The following ATG10 variants were observed in gnomAD, a reference collection of about 807,000 sequenced individuals.
ATG10 encodes autophagy related 10.
Under a neutral mutation model 32.1 loss-of-function variants are expected in ATG10, and 30 were observed. That is an observed-to-expected ratio of 0.94 (90% CI 0.70 to 1.27). ATG10 has a LOEUF of 1.27. Ranked by LOEUF, ATG10 falls within the 50% of genes most tolerant of loss-of-function variation. The pLI, the probability that ATG10 is intolerant of heterozygous loss-of-function variation, is 0.00. For missense variants in ATG10, 233 were observed against 262.3 expected (o/e 0.89, Z 0.77); for synonymous variants, 87 against 91.5 (o/e 0.95, Z 0.28).
chr5:82,253,108 G>A (rs577518032), intron 6 of ATG10, among the ~76,000 whole-genome samples: 1 of 152,312 alleles, frequency 6.6e-6, no homozygotes, highest in Non-Finnish European at 1.5e-5. Context: ...CTACCCTAAT[G>A]AGGGATCCTT....
intron 5 of ATG10, among the ~76,000 whole-genome samples, chr5:82,185,120 A>G (rs1312487170): frequency 6.6e-6 from 1 of 152,256 alleles, no homozygotes. Flanking sequence ...GCACGTACAC[A>G]TACACATGCC....
At chr5:82,118,078 A>G (rs1049831970) in intron 3 of ATG10, among the ~76,000 whole-genome samples, 3 of 152,010 alleles carry the variant, frequency 2.0e-5, no homozygotes, top group Non-Finnish European at 2.9e-5. Context: ...GAAAAATTTC[A>G]TAAATGGAAC....
At chr5:82,140,081 C>T (rs1292715602) in intron 3 of ATG10, among the ~76,000 whole-genome samples, 1 of 140,226 alleles carries the variant, frequency 7.1e-6, no homozygotes, top group Non-Finnish European at 1.6e-5. Flanking sequence ...GGTCAGCCCT[C>T]CACCCGGCCA....
At chr5:82,204,104 A>C (rs186525623) in intron 5 of ATG10, among the ~76,000 whole-genome samples, 47 of 152,346 alleles carry the variant, frequency 3.1e-4, no homozygotes, top group African/African-American at 8.7e-4. Flanking sequence ...AGAACACCAT[A>C]AGGGTAAAAG....
intron 3 of ATG10, among the ~76,000 whole-genome samples, chr5:82,107,089 A>C (rs1765466767): frequency 6.6e-6 from 1 of 152,092 alleles, no homozygotes. Context: ...CACAAGAAGA[A>C]TTTAACCTCT....
chr5:82,139,254 G>C (rs185107068), intron 3 of ATG10, among the ~76,000 whole-genome samples: 38,599 of 135,278 alleles, frequency 0.29, 6,005 homozygotes, highest in African/African-American at 0.46. Flanking sequence ...AGCCTCTGCC[G>C]GGCCACCACC....
chr5:82,246,314 G>A (rs1348044114), intron 5 of ATG10, among the ~76,000 whole-genome samples: 1 of 151,816 alleles, frequency 6.6e-6, no homozygotes, highest in East Asian at 1.9e-4. Context: ...CAAGTGATCT[G>A]CCTACCTCAG....
chr5:82,203,504 C>A (rs1362882965), intron 5 of ATG10, among the ~76,000 whole-genome samples: 2 of 151,970 alleles, frequency 1.3e-5, no homozygotes, highest in African/African-American at 4.8e-5. Context: ...TAGTTTTAAT[C>A]GGTGGGAGAG....
rs116790552 is a variant in ATG10 at position 82,162,095 on chromosome 5, C to G, written c.217-2304C>G. ...TATGTGTGTATATATGTATATATTT[C>G]ACACATATCCTTGCACACCTATTTT... On this transcript the variant is annotated intron_variant, in intron 3 of 7. Coordinates refer to ENST00000282185, the MANE Select transcript of ATG10 (RefSeq NM_031482.5). Among the ~76,000 whole-genome samples, 1,004 of 152,136 alleles carry G rather than the reference C, an allele frequency of 6.6e-3. 4 individuals are homozygous for G. The highest frequency in any genetic ancestry group is 0.011 in the Non-Finnish European group (735 of 67,978).
At chr5:82,224,951 A>G (rs958135405) in intron 5 of ATG10, among the ~76,000 whole-genome samples, 1 of 152,256 alleles carries the variant, frequency 6.6e-6, no homozygotes, top group Admixed American at 6.5e-5. Context: ...ACATCTATGT[A>G]TTATAAACTA....
At chr5:82,165,917 ACTTT>A (rs1743562273) in intron 4 of ATG10, among the ~76,000 whole-genome samples, 1 of 152,230 alleles carries the variant, frequency 6.6e-6, no homozygotes, top group South Asian at 2.1e-4. Context: ...TCAATACTGT[ACTTT>A]CATATAATTA....
intron 1 of ATG10, among the ~76,000 whole-genome samples, chr5:81,982,187 G>A (rs1017923477): frequency 2.6e-5 from 4 of 152,224 alleles, no homozygotes; most frequent in Admixed American, 2.6e-4. Context: ...GCCAGGCGTG[G>A]TGGCTCACGC....
chr5:82,103,591 C>T (rs1363021771), intron 3 of ATG10, among the ~76,000 whole-genome samples: 2 of 151,854 alleles, frequency 1.3e-5, no homozygotes, highest in Admixed American at 1.3e-4. Flanking sequence ...CTTAAGAAAC[C>T]CATACTCAGT....
At chr5:82,161,096 A>C (rs185123047) in intron 3 of ATG10, among the ~76,000 whole-genome samples, 1 of 152,324 alleles carries the variant, frequency 6.6e-6, no homozygotes, top group East Asian at 1.9e-4. Flanking sequence ...AGATTTCCAA[A>C]TTGCATGACT....
chr5:82,161,189 A>G (rs1320227101), intron 3 of ATG10, among the ~76,000 whole-genome samples: 1 of 152,164 alleles, frequency 6.6e-6, no homozygotes, highest in Non-Finnish European at 1.5e-5. Context: ...CAAGGATTCA[A>G]ATTCATCTAA....
At chr5:82,189,832 C>T (rs554713675) in intron 5 of ATG10, among the ~76,000 whole-genome samples, 5 of 152,178 alleles carry the variant, frequency 3.3e-5, no homozygotes, top group Admixed American at 2.0e-4. Context: ...ACCATGTTGG[C>T]CAGGCTGGTC....
At chr5:82,209,469 C>T (rs1424469344) in intron 5 of ATG10, among the ~76,000 whole-genome samples, 6 of 152,118 alleles carry the variant, frequency 3.9e-5, no homozygotes, top group Non-Finnish European at 8.8e-5. Context: ...GCCATGAGGA[C>T]ATGGCAAAAA....
chr5:82,117,555 G>C (rs541774272), intron 3 of ATG10, among the ~76,000 whole-genome samples: 1 of 152,148 alleles, frequency 6.6e-6, no homozygotes, highest in African/African-American at 2.4e-5. Flanking sequence ...GACCTTACTT[G>C]AGCTATCTCC....
intron 3 of ATG10, among the ~76,000 whole-genome samples, chr5:82,131,742 T>C (rs78164634): frequency 0.012 from 1,749 of 151,972 alleles, 26 homozygotes; most frequent in African/African-American, 0.041. Context: ...AAGAATAATA[T>C]AATTAGTTTT....
Sources: allele counts gnomAD v4.1 joint callset (sites outside exome capture counted in the v4.1 genomes callset), GRCh38; gene constraint gnomAD v4.1.1; transcripts MANE v1.5; gene names NCBI Gene and HGNC (gene_info 2026-07-23, HGNC 2026-07-21).